IL1RAPL2: variants seen among roughly 807,000 people sequenced by gnomAD.
The protein encoded by IL1RAPL2 is interleukin 1 receptor accessory protein like 2.
A neutral mutation model predicts 44.1 loss-of-function variants in IL1RAPL2; 3 were observed. That is an observed-to-expected ratio of 0.07 (90% confidence interval 0.03 to 0.18). IL1RAPL2 has a LOEUF of 0.18. IL1RAPL2 is among the 10% of genes least tolerant of loss of function. The probability of loss-of-function intolerance (pLI) is 1.00; values close to 1 mark genes in which losing one functional copy is unlikely to be tolerated. For synonymous variants in IL1RAPL2, 181 were observed against 178.8 expected, an observed-to-expected ratio of 1.01 and a Z score of -0.10; for missense variants, 391 against 496.4, an observed-to-expected ratio of 0.79 and a Z score of 2.02.
intron 3 of IL1RAPL2, among the ~76,000 whole-genome samples, chrX:105,203,878 A>G (rs901316836): frequency 1.8e-5 from 2 of 111,865 alleles, no homozygotes; most frequent in African/African-American, 6.5e-5. Flanking sequence ...AGAAGGCACT[A>G]GGGATATAGG....
intron 2 of IL1RAPL2, among the ~76,000 whole-genome samples, chrX:104,791,582 A>G (rs1470490007): frequency 8.9e-6 from 1 of 112,125 alleles, no homozygotes; most frequent in East Asian, 2.8e-4. Flanking sequence ...GAACACCAGG[A>G]GAAATGATGA....
intron 5 of IL1RAPL2, among the ~76,000 whole-genome samples, chrX:105,457,508 G>T (rs1253480554): frequency 9.1e-6 from 1 of 109,794 alleles, no homozygotes; most frequent in Non-Finnish European, 1.9e-5. Flanking sequence ...TACAATATTT[G>T]TCTTTATGTG....
intron 6 of IL1RAPL2, among the ~76,000 whole-genome samples, chrX:105,674,328 C>A (rs2037849917): frequency 1.8e-5 from 2 of 111,851 alleles, no homozygotes; most frequent in Admixed American, 1.9e-4. Context: ...TTTAAGCCAT[C>A]TTGAGTTAAT....
chrX:104,970,892 C>CA (rs1569353574), intron 2 of IL1RAPL2, among the ~76,000 whole-genome samples: 4 of 112,108 alleles, frequency 3.6e-5, no homozygotes, highest in African/African-American at 1.3e-4. Flanking sequence ...AAGGGGCCCA[C>CA]AGGCAAGACG....
At chrX:105,227,319 C>T (rs1170679864) in intron 3 of IL1RAPL2, among the ~76,000 whole-genome samples, 1 of 111,978 alleles carries the variant, frequency 8.9e-6, no homozygotes, top group Admixed American at 9.5e-5. Flanking sequence ...TGTACATAAA[C>T]TTAAAACCTA....
chrX:105,141,149 A>G (rs1446761660), intron 2 of IL1RAPL2, among the ~76,000 whole-genome samples: 1 of 111,685 alleles, frequency 9.0e-6, no homozygotes, highest in East Asian at 2.8e-4. Context: ...TTAACTGCTT[A>G]CTTTATTTTC....
At chrX:104,654,030 G>A (rs1404773639) in intron 1 of IL1RAPL2, among the ~76,000 whole-genome samples, 1 of 110,052 alleles carries the variant, frequency 9.1e-6, no homozygotes, top group Non-Finnish European at 1.9e-5. Flanking sequence ...AACTCAATAG[G>A]GACAAAAACT....
chrX:104,942,079 A>T (rs1925194162), intron 2 of IL1RAPL2, among the ~76,000 whole-genome samples: 1 of 111,846 alleles, frequency 8.9e-6, no homozygotes, highest in Non-Finnish European at 1.9e-5. Context: ...TGGTACCAGT[A>T]CCATGCTGTT....
intron 10 of IL1RAPL2, 41 bp downstream of exon 10, chrX:105,755,388 T>C (rs1441249151): frequency 1.0e-6 from 1 of 996,471 alleles, no homozygotes; most frequent in Non-Finnish European, 1.4e-6. Context: ...GTTCTGTTTC[T>C]TTTAGGATGT....
intron 2 of IL1RAPL2, among the ~76,000 whole-genome samples, chrX:104,783,291 G>A (rs1053804555): frequency 9.0e-6 from 1 of 111,300 alleles, no homozygotes; most frequent in Non-Finnish European, 1.9e-5. Context: ...AGGATGACAT[G>A]TTAGACATTT....
chrX:104,838,839 CTTTCTTTCTTTTTTT>C (rs1275427391), intron 2 of IL1RAPL2, among the ~76,000 whole-genome samples: 3 of 63,888 alleles, frequency 4.7e-5, no homozygotes, highest in East Asian at 4.3e-4. Flanking sequence ...TTCTTTCTTT[CTTTCTTTCTTTTTTT>C]TTTTTTTTTT....
At chrX:104,796,290 C>G (rs759601785) in intron 2 of IL1RAPL2, among the ~76,000 whole-genome samples, 44 of 112,248 alleles carry the variant, frequency 3.9e-4, no homozygotes, top group Admixed American at 1.2e-3. Context: ...GACATACAAA[C>G]TAAAGGTATT....
At chrX:105,681,549 G>A (rs1187823415) in intron 6 of IL1RAPL2, among the ~76,000 whole-genome samples, 1 of 112,166 alleles carries the variant, frequency 8.9e-6, no homozygotes, top group African/African-American at 3.2e-5. Flanking sequence ...CCTGAGGTCA[G>A]GGGTTCCAGA....
At chrX:105,256,735 A>G in intron 4 of IL1RAPL2, among the ~76,000 whole-genome samples, 1 of 111,459 alleles carries the variant, frequency 9.0e-6, no homozygotes, top group Non-Finnish European at 1.9e-5. Context: ...CATCACTTCT[A>G]GGTTTTCTAA....
chrX:104,790,540 G>A (rs2147607518), intron 2 of IL1RAPL2, among the ~76,000 whole-genome samples: 1 of 110,893 alleles, frequency 9.0e-6, no homozygotes, highest in Non-Finnish European at 1.9e-5. Flanking sequence ...GAAAATTACT[G>A]GGACAGGTAA....
chrX:104,640,589 T>G (rs1287028837), intron 1 of IL1RAPL2, among the ~76,000 whole-genome samples: 1 of 112,303 alleles, frequency 8.9e-6, no homozygotes, highest in Non-Finnish European at 1.9e-5. Context: ...CTTATGTTGA[T>G]GTATGTACAT....
At chrX:105,263,220 G>A (rs1421420241) in intron 4 of IL1RAPL2, among the ~76,000 whole-genome samples, 3 of 98,348 alleles carry the variant, frequency 3.1e-5, no homozygotes, top group East Asian at 6.5e-4. Flanking sequence ...TAGATGCCCT[G>A]TGGGAGAATA....
At chrX:104,657,850 A>G (rs1474410859) in intron 1 of IL1RAPL2, among the ~76,000 whole-genome samples, 1 of 112,561 alleles carries the variant, frequency 8.9e-6, no homozygotes, top group Admixed American at 9.4e-5. Context: ...TATGCAGCCA[A>G]CAGACATATG....
chrX:104,676,000 C>T (rs1463925724), intron 2 of IL1RAPL2, among the ~76,000 whole-genome samples: 156 of 106,572 alleles, frequency 1.5e-3, no homozygotes, highest in Non-Finnish European at 2.6e-3. Flanking sequence ...TGTCTCTGCA[C>T]GTGAGATGGG....
Sources: allele counts gnomAD v4.1 joint callset (sites outside exome capture counted in the v4.1 genomes callset), GRCh38; gene constraint gnomAD v4.1.1; transcripts MANE v1.5; gene names NCBI Gene and HGNC (gene_info 2026-07-23, HGNC 2026-07-21).